ASH2L: variants seen among roughly 807,000 people sequenced by gnomAD.
ASH2L encodes the protein set1/Ash2 histone methyltransferase complex subunit ASH2.
Under a neutral mutation model 81.1 loss-of-function variants are expected in ASH2L, and 30 were observed. The observed-to-expected ratio is 0.37, with a 90% CI of 0.28 to 0.50. The LOEUF is 0.50. Among genes scored for constraint, ASH2L ranks in the 20% least tolerant of loss-of-function variants. The pLI, the probability that ASH2L is intolerant of heterozygous loss-of-function variation, is 0.95. For missense variants in ASH2L, 559 were observed against 792.1 expected (o/e 0.71, Z 3.53); for synonymous variants, 273 against 279.9 (o/e 0.98, Z 0.24).
At chr8:38,106,114 C>T (rs764001973) in intron 1 of ASH2L, 8 of 1,526,582 alleles carry the variant, frequency 5.2e-6, no homozygotes, top group Non-Finnish European at 7.0e-6. Context: ...CTCTTTGAAC[C>T]TCTCCCAGGA....
intron 5 of ASH2L, among the ~76,000 whole-genome samples, chr8:38,112,261 A>G (rs1364821300): frequency 6.6e-6 from 1 of 152,032 alleles, no homozygotes; most frequent in Non-Finnish European, 1.5e-5. Context: ...GGCCTTCCAA[A>G]CGTCTGGGAA....
chr8:38,112,835 G>A (rs1429698245), intron 5 of ASH2L, among the ~76,000 whole-genome samples: 1 of 152,116 alleles, frequency 6.6e-6, no homozygotes, highest in East Asian at 1.9e-4. Context: ...TAGAGTAGTA[G>A]TTGTAAATCA....
chr8:38,123,829 A>C (rs2517391), intron 10 of ASH2L, among the ~76,000 whole-genome samples: 1 of 152,094 alleles, frequency 6.6e-6, no homozygotes, highest in Non-Finnish European at 1.5e-5. Context: ...ATATTCTTTT[A>C]TCTCCCTTTT....
chr8:38,105,507 C>A, upstream of ASH2L: 3 of 1,491,648 alleles, frequency 2.0e-6, no homozygotes, highest in African/African-American at 1.4e-5. Context: ...GCAACGCGCG[C>A]GAGAGAAGAG....
At chr8:38,133,389 GC>G in intron 12 of ASH2L, 64 bp from the exon 13 acceptor site, 1 of 1,083,186 alleles carries the variant, frequency 9.2e-7, no homozygotes, top group Non-Finnish European at 1.4e-6. Context: ...GTGTGCGGAT[GC>G]GTTTTTTTCA....
Position 38,114,981 on chromosome 8 carries a change from A to C in ASH2L, c.758A>C (p.Lys253Thr), listed in dbSNP as rs772750976. 9.9e-6 allele frequency: 16 copies of C among 1,611,414 alleles called. No individual in the cohort carries two copies. The highest frequency in any genetic ancestry group is 1.4e-5 in the Non-Finnish European group (16 of 1,177,668). Residue 253 changes from lysine to threonine, a missense_variant, in exon 7 of 16, where the codon AAA (lysine) becomes ACA (threonine). Coordinates refer to ENST00000343823, the MANE Select transcript of ASH2L (RefSeq NM_004674.5). ...GSKDPEEDYP[K>T]FGLLDQDLSN... ...AAAGATCCAGAAGAAGATTACCCCA[A>C]ATTTGGACTTTTGGATCAGGTACAT...
rs1585611988 is a variant in ASH2L, at chr8:38,135,671, A to G, written c.1624A>G (p.Ile542Val). 3 of 1,605,416 alleles carry G rather than the reference A, an allele frequency of 1.9e-6. No homozygotes were observed. The highest frequency in any genetic ancestry group is 1.7e-5 in the Admixed American group (1 of 59,362). Reference sequence around the variant, plus strand: ...AAAACCATGGTTTTTGTTTCAGATAATATTTTATAAAAATGGTGTCAATCA... The same window carrying G: ...AAAACCATGGTTTTTGTTTCAGATAGTATTTTATAAAAATGGTGTCAATCA... ...SLKQTPHSEI[I>V]FYKNGVNQGV... is the part of the protein sequence containing the mutation. Residue 542 changes from isoleucine (I) to valine (V), a missense_variant, in exon 14 of 16, where the codon ATA (isoleucine) becomes GTA (valine). By Grantham distance (29) the Ile-to-Val change is conservative (BLOSUM62 3). Transcript: ENST00000343823.
intron 3 of ASH2L, among the ~76,000 whole-genome samples, chr8:38,109,389 T>A (rs1401436279): frequency 6.6e-6 from 1 of 152,256 alleles, no homozygotes; most frequent in Non-Finnish European, 1.5e-5. Context: ...CAGTCTTCTC[T>A]GAGGATATCC....
At chr8:38,120,462 T>C (rs1271949206) in intron 9 of ASH2L, among the ~76,000 whole-genome samples, 1 of 152,172 alleles carries the variant, frequency 6.6e-6, no homozygotes, top group Non-Finnish European at 1.5e-5. Flanking sequence ...TCACCCAGGC[T>C]GGAGTGCAGT....
intron 11 of ASH2L, 140 bp downstream of exon 11, chr8:38,128,598 T>G (rs1801946694): frequency 1.4e-6 from 2 of 1,450,852 alleles, no homozygotes; most frequent in Non-Finnish European, 1.8e-6. Flanking sequence ...TGGTTTGCTA[T>G]TCCCGGGATA....
At chr8:38,134,087 G>A (rs972698019) in intron 13 of ASH2L, among the ~76,000 whole-genome samples, 1 of 152,184 alleles carries the variant, frequency 6.6e-6, no homozygotes, top group African/African-American at 2.4e-5. Context: ...TAAGGGTGGT[G>A]CAAGATGTGC....
Position 38,135,740 on chromosome 8 carries a change from GC to G in ASH2L, c.1695del (p.Ile566SerfsTer29), listed in dbSNP as rs1166030903. On this transcript the variant is annotated frameshift_variant, in exon 14 of 16. Coordinates refer to ENST00000343823, the MANE Select transcript of ASH2L (RefSeq NM_004674.5). LOFTEE classifies it high-confidence loss of function. ...KDIFEGVYFP[A>X]ISLYKSCTVS... ...TATTTTTGAGGGGGTTTACTTCCCA[GC>G]CATCTCACTGTACAAGAGCTGCACG... 1 of 1,612,968 alleles carries G rather than the reference GC, an allele frequency of 6.2e-7. No individual in the cohort carries two copies. The highest frequency in any genetic ancestry group is 1.7e-5 in the Admixed American group (1 of 59,852).
intron 3 of ASH2L, among the ~76,000 whole-genome samples, chr8:38,107,868 A>ATATGTG (rs367993008): frequency 1.1e-3 from 151 of 141,506 alleles, no homozygotes; most frequent in East Asian, 8.1e-3. Context: ...AAATACATAT[A>ATATGTG]TGTGTGTGTG....
intron 6 of ASH2L, 45 bp downstream of exon 6, chr8:38,114,332 T>G: frequency 3.2e-6 from 4 of 1,233,142 alleles, no homozygotes; most frequent in Non-Finnish European, 4.6e-6. Context: ...AAAAAACCAT[T>G]GTTTTTTGTA....
chr8:38,105,507 CGA>C, upstream of ASH2L: 5 of 1,491,652 alleles, frequency 3.4e-6, no homozygotes, highest in South Asian at 1.3e-5. Flanking sequence ...GCAACGCGCG[CGA>C]GAGAAGAGAG....
chr8:38,107,359 C>G (rs1258283204), intron 3 of ASH2L, among the ~76,000 whole-genome samples, 193 bp downstream of exon 3: 2 of 152,090 alleles, frequency 1.3e-5, no homozygotes, highest in South Asian at 2.1e-4. Flanking sequence ...GGGCACAGCT[C>G]TGGTAGATAC....
intron 5 of ASH2L, among the ~76,000 whole-genome samples, chr8:38,111,628 C>T (rs769391670): frequency 3.1e-4 from 47 of 149,332 alleles, no homozygotes; most frequent in South Asian, 1.1e-3. Context: ...TCAAGTGATC[C>T]GTCCGCCTCA....
intron 10 of ASH2L, 35 bp downstream of exon 10, chr8:38,121,184 G>T: frequency 6.3e-7 from 1 of 1,589,238 alleles, no homozygotes. Flanking sequence ...TGGATGCAGG[G>T]TTACTTTGAA....
At position 38,114,964 on chromosome 8, in the gene ASH2L, A is replaced by G. The variant is rs746406087; in HGVS notation, c.741A>G (p.Pro247=). 46 of 1,612,928 alleles carry G rather than the reference A, an allele frequency of 2.9e-5. 1 individual carries two copies. The highest frequency in any genetic ancestry group is 2.1e-5 in the Non-Finnish European group (25 of 1,179,084). Residue 247 remains proline (P), a synonymous_variant, in exon 7 of 16, where the codon CCA becomes CCG. Transcript: ENST00000343823. ...KEHPDPGSKD[P]EEDYPKFGLL... ...ACCCAGATCCAGGCAGTAAAGATCCAGAAGAAGATTACCCCAAATTTGGAC... is the reference window on the plus strand; with the variant it reads ...ACCCAGATCCAGGCAGTAAAGATCCGGAAGAAGATTACCCCAAATTTGGAC...
Sources: allele counts gnomAD v4.1 joint callset (sites outside exome capture counted in the v4.1 genomes callset), GRCh38; gene constraint gnomAD v4.1.1; transcripts MANE v1.5; gene names NCBI Gene and HGNC (gene_info 2026-07-23, HGNC 2026-07-21).